PEAR1: variants seen among roughly 807,000 people sequenced by gnomAD.
The protein encoded by PEAR1 is multiple EGF-like domains protein 12.
A neutral mutation model predicts 131.2 loss-of-function variants in PEAR1; 113 were observed. That is an observed-to-expected ratio of 0.86 (90% CI 0.74 to 1.01). The LOEUF (loss-of-function observed/expected upper bound fraction) is 1.01. PEAR1 is among the 50% of genes least tolerant of loss of function. The pLI is 0.00. For synonymous variants in PEAR1, 565 were observed against 523.3 expected (o/e 1.08, Z -1.09); for missense variants, 1,408 against 1,391.1 (o/e 1.01, Z -0.19).
At chr1:156,899,016 C>T (rs1649426138) in intron 1 of PEAR1, among the ~76,000 whole-genome samples, 1 of 152,180 alleles carries the variant, frequency 6.6e-6, no homozygotes. Flanking sequence ...TCTGTTTTTG[C>T]ATCAACACAC....
At chr1:156,905,080 GT>G (rs869225857) in intron 3 of PEAR1, 3 of 1,292,858 alleles carry the variant, frequency 2.3e-6, no homozygotes, top group Non-Finnish European at 3.2e-6. Flanking sequence ...TGCCTGTGGG[GT>G]TGGGGGGGGG....
intron 21 of PEAR1, 40 bp downstream of exon 21, chr1:156,913,800 G>T (rs1558150495): frequency 1.9e-6 from 3 of 1,612,086 alleles, no homozygotes; most frequent in East Asian, 4.5e-5. Flanking sequence ...GCTGAGCTGG[G>T]GCTGAGGAAC....
intron 14 of PEAR1, 82 bp downstream of exon 14, chr1:156,910,462 G>T: frequency 6.5e-7 from 1 of 1,539,610 alleles, no homozygotes; most frequent in Non-Finnish European, 8.8e-7. Context: ...CTCCCCCCGC[G>T]CCCGCCGCCC....
intron 11 of PEAR1, 114 bp downstream of exon 11, chr1:156,909,150 GA>G: frequency 1.4e-6 from 2 of 1,391,502 alleles, no homozygotes; most frequent in Non-Finnish European, 2.0e-6. Flanking sequence ...GGTAAGGGTG[GA>G]GGGGCAGCAG....
chr1:156,911,447 T>C (rs2103020131), intron 15 of PEAR1, among the ~76,000 whole-genome samples: 1 of 151,882 alleles, frequency 6.6e-6, no homozygotes, highest in African/African-American at 2.4e-5. Context: ...AGCAGGCTAA[T>C]TTTTGTATGT....
Position 156,908,553 on chromosome 1 carries a change from AC to A in PEAR1, c.1116-98del. 2 of 1,274,964 alleles carry A rather than the reference AC, an allele frequency of 1.6e-6. No homozygotes were observed. Among genetic ancestry groups the A allele is most frequent in the Non-Finnish European group, 2.1e-6 (2 of 949,808 alleles). 79.0% of individuals were successfully genotyped at this position (1,274,964 alleles called of 1,614,324 possible). A position where few individuals can be genotyped will look rare whatever the true frequency, so the allele number is the denominator to read the frequency against. On this transcript the variant is annotated intron_variant, in intron 9 of 22. Coordinates refer to ENST00000292357, the MANE Select transcript of PEAR1 (RefSeq NM_001080471.3). This position sits in a 1 kb window ranked among gnomAD's most constrained non-coding sequence, Gnocchi z 4.2. ...GCGGAGCCTCCCTAGTGACCCCCTTACCCCAGCGATGTGCGAATCCCACTGA... is the reference window on the plus strand; with the variant it reads ...GCGGAGCCTCCCTAGTGACCCCCTTACCCAGCGATGTGCGAATCCCACTGA...
intron 12 of PEAR1, 30 bp downstream of exon 12, chr1:156,909,944 G>C (rs540742579): frequency 1.2e-6 from 2 of 1,611,964 alleles, no homozygotes; most frequent in East Asian, 4.5e-5. Flanking sequence ...TCTGCCTGGG[G>C]GTGGGGAGGG....
rs773757499 is a variant in PEAR1 at position 156,907,617 on chromosome 1, G to A, written c.652G>A (p.Val218Met). The A allele has an allele frequency of 1.5e-5, 24 of 1,612,010 alleles. No homozygotes were observed. The highest frequency in any genetic ancestry group is 4.5e-5 in the East Asian group (2 of 44,886). Residue 218 changes from valine to methionine, a missense_variant, in exon 7 of 23, where the codon GTG (valine) becomes ATG (methionine). Val to Met is a conservative substitution (Grantham distance 21). Coordinates refer to ENST00000292357, the MANE Select transcript of PEAR1 (RefSeq NM_001080471.3). ...PAERTGPSCD[V>M]SCSQGTSGFF... is the part of the protein sequence containing the mutation. ...ACCCACTCTGTCCTGCAGCTGTGAC[G>A]TGTCCTGTTCCCAGGGCACTTCTGG...
rs755454759 is a variant in PEAR1 at position 156,913,243 on chromosome 1, C to T, written c.2472C>T (p.Thr824=). The change falls in exon 19 of 23, where the codon ACC becomes ACT. Residue 824 remains threonine (T), a synonymous_variant. Transcript: ENST00000292357. ...ACTACTCCAACCCCAGCTACCACACCCTGTCGCAGTGCTCCCCAAACCCCC... is the reference window on the plus strand; with the variant it reads ...ACTACTCCAACCCCAGCTACCACACTCTGTCGCAGTGCTCCCCAAACCCCC... The part of the protein sequence containing the change: ...SHYYSNPSYH[T]LSQCSPNPPP... 6.2e-7 allele frequency: 1 copy of T among 1,613,538 alleles called. No homozygotes were observed. The highest frequency in any genetic ancestry group is 1.1e-5 in the South Asian group (1 of 90,928).
At position 156,913,424 on chromosome 1, in the gene PEAR1, C is replaced by G. The variant is rs757993758; in HGVS notation, c.2545C>G (p.Pro849Ala). 9 of 1,613,854 alleles carry G rather than the reference C, an allele frequency of 5.6e-6. No homozygotes were observed. The Admixed American group carries it at 1.2e-4, about 21-fold the overall frequency. ...CCCGCTCTTTGCCAGCCTGCAGAAC[C>G]CTGAGCGGCCAGGTGGGGCCCAAGG... is the stretch of plus-strand genomic sequence containing the variant. Reference protein sequence around the residue: ...PGPLFASLQNPERPGGAQGHD... With the variant: ...PGPLFASLQNAERPGGAQGHD... Residue 849 changes from proline to alanine, a missense_variant, in exon 20 of 23, where the codon CCT becomes GCT. Transcript: ENST00000292357.
chr1:156,908,206 C>T lies in PEAR1; in HGVS notation c.981C>T (p.Cys327=), dbSNP rs748529179. Residue 327 remains cysteine, a synonymous_variant, in exon 9 of 23, where the codon TGC becomes TGT. Transcript: ENST00000292357. The surrounding 1 kb of genome is among the most constrained non-coding windows in gnomAD (Gnocchi z 4.2). ...GCGACTGCGCCCCGGACGCCCGTTG[C>T]TTCCCGGCCAACGGCGCATGTCTGT... The part of the protein sequence containing the change: ...ETCDCAPDAR[C]FPANGACLCE... 6.2e-7 allele frequency: 1 copy of T among 1,603,348 alleles called. No homozygotes were observed. Among genetic ancestry groups the T allele is most frequent in the Non-Finnish European group, 8.5e-7 (1 of 1,178,990 alleles).
At position 156,906,654 on chromosome 1, in the gene PEAR1, T is replaced by G. The variant is rs1488346435; in HGVS notation, c.418T>G (p.Trp140Gly). 1 of 1,614,124 alleles carries G rather than the reference T, an allele frequency of 6.2e-7. No individual in the cohort carries two copies. The highest frequency in any genetic ancestry group is 1.3e-5 in the African/African-American group (1 of 75,030). ...TCCCACAGAGTGTGCCCCAGGAATG[T>G]GGGGGCCACAGTGTGACAAGCCCTG... ...DCSSECAPGM[W>G]GPQCDKPCSC... Residue 140 changes from tryptophan (W) to glycine (G), a missense_variant, in exon 6 of 23, where the codon TGG becomes GGG. Physicochemically the swap from Trp to Gly is radical, Grantham distance 184. Transcript: ENST00000292357.
rs1401136274 is a variant in PEAR1, at chr1:156,905,314, G to A, written c.207-10G>A. 1.2e-6 allele frequency: 2 copies of A among 1,609,942 alleles called. No individual in the cohort carries two copies. The highest frequency in any genetic ancestry group is 2.2e-5 in the South Asian group (2 of 90,984). Reference sequence around the variant, plus strand: ...GGGAGGGCTGAGGGCCGCCTTCCTGGCCTCCGCAGGGTTGTATACCGGACC... The same window carrying A: ...GGGAGGGCTGAGGGCCGCCTTCCTGACCTCCGCAGGGTTGTATACCGGACC... On this transcript the variant is annotated splice_polypyrimidine_tract_variant and intron_variant, in intron 3 of 22. Transcript: ENST00000292357.
intron 3 of PEAR1, among the ~76,000 whole-genome samples, 160 bp from the exon 4 acceptor site, chr1:156,905,164 C>T (rs1050850716): frequency 3.9e-5 from 6 of 151,920 alleles, no homozygotes; most frequent in Admixed American, 1.3e-4. Flanking sequence ...AGTGCAGTGG[C>T]GAGATCGTAG....
At position 156,906,625 on chromosome 1, in the gene PEAR1, C is replaced by A. The variant is rs1391289348; in HGVS notation, c.401-12C>A. On this transcript the variant is annotated splice_polypyrimidine_tract_variant and intron_variant, in intron 5 of 22. Coordinates refer to ENST00000292357, the MANE Select transcript of PEAR1 (RefSeq NM_001080471.3). ...CCCCTGGTGACCCCCTTCCCGCCTC[C>A]TTATCCCACAGAGTGTGCCCCAGGA... 4.3e-6 allele frequency: 7 copies of A among 1,614,088 alleles called. No homozygotes were observed. The highest frequency in any genetic ancestry group is 5.1e-6 in the Non-Finnish European group (6 of 1,180,004).
Position 156,906,888 on chromosome 1 carries a change from A to G in PEAR1, c.644+8A>G, listed in dbSNP as rs1650387149. On this transcript the variant is annotated splice_region_variant and intron_variant, in intron 6 of 22. Transcript: ENST00000292357. Reference sequence around the variant, plus strand: ...AGAGAGAACTGGGCCCAGGTATGTAATGGGGGGAACGACACTTTAACAAGA... The same window carrying G: ...AGAGAGAACTGGGCCCAGGTATGTAGTGGGGGGAACGACACTTTAACAAGA... The G allele has an allele frequency of 1.2e-6, 2 of 1,612,854 alleles. No individual in the cohort carries two copies. The highest frequency in any genetic ancestry group is 2.7e-5 in the African/African-American group (2 of 74,902).
chr1:156,905,092 G>GC, intron 3 of PEAR1: 206 of 989,806 alleles, frequency 2.1e-4, no homozygotes, highest in Non-Finnish European at 3.0e-4. Context: ...TGGGGGGGGG[G>GC]CAAGAAGGGA....
Position 156,908,954 on chromosome 1 carries a change from C to T in PEAR1, c.1329C>T (p.Tyr443=), listed in dbSNP as rs200754160. ...HCASLCPPDT[Y]GVNCSARCSC... is the part of the protein sequence containing the mutation. ...CTAGTCTTTGTCCTCCTGACACCTA[C>T]GGTGTCAACTGTTCTGCACGCTGCT... The change falls in exon 11 of 23, where the codon TAC becomes TAT. Residue 443 remains tyrosine (Y), a synonymous_variant. Transcript: ENST00000292357. The surrounding 1 kb of genome is among the most constrained non-coding windows in gnomAD (Gnocchi z 4.2). 11 of 1,613,876 alleles carry T rather than the reference C, an allele frequency of 6.8e-6. No individual in the cohort carries two copies. The highest frequency in any genetic ancestry group is 1.3e-5 in the African/African-American group (1 of 75,058).
rs769507519 is a variant in PEAR1 at position 156,912,995 on chromosome 1, A to G, written c.2422+13A>G. The G allele has an allele frequency of 3.1e-6, 5 of 1,613,136 alleles. No individual in the cohort carries two copies. Among genetic ancestry groups the G allele is most frequent in the Non-Finnish European group, 4.2e-6 (5 of 1,179,378 alleles). ...TATGTCATGCCAGGTGAGCTGGCAC[A>G]GGGCCTGGGGCACAGATGAGTGGCT... is the stretch of plus-strand genomic sequence containing the variant. On this transcript the variant is annotated intron_variant, in intron 18 of 22. Transcript: ENST00000292357.
Sources: gnomAD v4.1 joint callset for allele counts (sites outside exome capture counted in the v4.1 genomes callset) on GRCh38, gnomAD v4.1.1 for gene constraint, Gnocchi (gnomAD v3.1) non-coding constraint, MANE v1.5 for transcripts, NCBI Gene and HGNC (gene_info 2026-07-23, HGNC 2026-07-21) for gene names.